Variants in TJP1 observed in about 807,000 individuals in gnomAD.
TJP1 encodes the protein tight junction protein 1, also known as tight junction protein ZO-1.
In TJP1, 43 loss-of-function variants were observed where a neutral mutation model predicts 194.2. The ratio of observed to expected loss-of-function variants is 0.22; its 90% CI spans 0.17 to 0.29. TJP1 has a LOEUF of 0.29. TJP1 is among the 10% of genes least tolerant of loss of function. The pLI, the probability that TJP1 is intolerant of heterozygous loss-of-function variation, is 1.00. For missense variants in TJP1, 1,971 were observed against 2,185.7 expected, an observed-to-expected ratio of 0.90 and a Z score of 1.96; for synonymous variants, 801 against 779.0, an observed-to-expected ratio of 1.03 and a Z score of -0.47.
intron 2 of TJP1, among the ~76,000 whole-genome samples, chr15:29,909,350 A>AAC (rs929108402): frequency 6.6e-6 from 1 of 151,052 alleles, no homozygotes; most frequent in African/African-American, 2.4e-5. Flanking sequence ...AAAAAAAAAA[A>AAC]AAAAAAAGAG....
chr15:29,743,297 T>C (rs1263587970), intron 8 of TJP1, among the ~76,000 whole-genome samples: 1 of 152,174 alleles, frequency 6.6e-6, no homozygotes, highest in African/African-American at 2.4e-5. Flanking sequence ...GAAACATATA[T>C]AATACTGGGC....
intron 2 of TJP1, among the ~76,000 whole-genome samples, chr15:29,906,195 G>T (rs56271015): frequency 6.6e-6 from 1 of 152,026 alleles, no homozygotes; most frequent in African/African-American, 2.4e-5. Flanking sequence ...AAGTTAGGCC[G>T]GGCGCGGTGG....
In TJP1 at chr15:29,762,321, G is replaced by A; in HGVS notation, c.693+14C>T. 6.3e-7 allele frequency: 1 copy of A among 1,593,508 alleles called. No homozygotes were observed. Among genetic ancestry groups the A allele is most frequent in the East Asian group, 2.2e-5 (1 of 44,678 alleles). ...TCTATTTCAGTTCATTAAAAAGTAA[G>A]AATATGATTATACCTTCAATACAAC... On this transcript the variant is annotated intron_variant, in intron 6 of 27. Transcript: ENST00000614355.
chr15:29,737,644 A>G (rs1036571118), intron 10 of TJP1, among the ~76,000 whole-genome samples: 1 of 152,184 alleles, frequency 6.6e-6, no homozygotes, highest in African/African-American at 2.4e-5. Context: ...TGCAAGTACT[A>G]TTTTACATAA....
At chr15:29,703,476 A>T (rs2041687730) in intron 27 of TJP1, among the ~76,000 whole-genome samples, 1 of 152,110 alleles carries the variant, frequency 6.6e-6, no homozygotes, top group Non-Finnish European at 1.5e-5. Context: ...AAAATAAATT[A>T]AACAATAGTA....
chr15:29,789,118 T>C (rs1278641105), intron 2 of TJP1, among the ~76,000 whole-genome samples: 1 of 151,936 alleles, frequency 6.6e-6, no homozygotes, highest in Non-Finnish European at 1.5e-5. Context: ...TCACCTGTTT[T>C]TCTTTTTTTT....
chr15:29,761,876 A>G, intron 6 of TJP1, 107 bp from the exon 7 acceptor site: 1 of 1,046,032 alleles, frequency 9.6e-7, no homozygotes, highest in Non-Finnish European at 1.3e-6. Context: ...TATGAAAACC[A>G]AAATATTCTC....
rs1246363063 is a variant in TJP1 at position 29,737,381 on chromosome 15, T to TC, written c.1289dup (p.Asp431ArgfsTer2). ...CAGCCAGCCGCAAACCCACACTATC[T>TC]CCTTTTCTGAATTTTACCAATTTCA... On this transcript the variant is annotated frameshift_variant, in exon 11 of 28. Transcript: ENST00000614355. LOFTEE classifies it high-confidence loss of function. 1 of 1,614,142 alleles carries TC rather than the reference T, an allele frequency of 6.2e-7. No individual in the cohort carries two copies. The highest frequency in any genetic ancestry group is 8.5e-7 in the Non-Finnish European group (1 of 1,180,020).
chr15:29,821,882 C>T, intron 1 of TJP1, 120 bp downstream of exon 1: 2 of 979,656 alleles, frequency 2.0e-6, no homozygotes, highest in Non-Finnish European at 2.4e-6. Flanking sequence ...GCCCTGCCCA[C>T]CCCGCCGCCC....
At chr15:29,710,416 T>C (rs1347430255) in intron 24 of TJP1, among the ~76,000 whole-genome samples, 4 of 152,170 alleles carry the variant, frequency 2.6e-5, no homozygotes, top group Admixed American at 2.6e-4. Flanking sequence ...GTTACAAAGC[T>C]CTTAAGATGA....
At chr15:29,839,864 C>A (rs543333357) in intron 2 of TJP1, among the ~76,000 whole-genome samples, 2 of 152,266 alleles carry the variant, frequency 1.3e-5, no homozygotes, top group East Asian at 1.9e-4. Flanking sequence ...TTCCTACCAC[C>A]AATGTAGGAG....
chr15:29,725,254 G>A (rs2043171140), intron 18 of TJP1, among the ~76,000 whole-genome samples: 1 of 152,156 alleles, frequency 6.6e-6, no homozygotes, highest in Non-Finnish European at 1.5e-5. Context: ...CCCCAGACTG[G>A]TTCATAATGA....
At chr15:29,893,001 T>A (rs991884045) in intron 2 of TJP1, among the ~76,000 whole-genome samples, 1 of 152,206 alleles carries the variant, frequency 6.6e-6, no homozygotes, top group Non-Finnish European at 1.5e-5. Flanking sequence ...CAAAGTAAAT[T>A]AAAAATCTTC....
At chr15:29,914,851 A>AACAC (rs1240475154) in intron 2 of TJP1, among the ~76,000 whole-genome samples, 1 of 143,608 alleles carries the variant, frequency 7.0e-6, no homozygotes, top group African/African-American at 2.7e-5. Context: ...CACACCCTGC[A>AACAC]ACACACACAC....
At chr15:29,752,345 T>C (rs1228084379) in intron 8 of TJP1, among the ~76,000 whole-genome samples, 1 of 152,124 alleles carries the variant, frequency 6.6e-6, no homozygotes, top group Admixed American at 6.5e-5. Context: ...TCAAGTGATC[T>C]TGCCCACCTT....
At chr15:29,910,236 G>T (rs780633475) in intron 2 of TJP1, among the ~76,000 whole-genome samples, 33 of 152,246 alleles carry the variant, frequency 2.2e-4, no homozygotes, top group African/African-American at 5.8e-4. Flanking sequence ...AACCTGAGAA[G>T]AAATAAATAC....
chr15:29,718,748 A>G lies in TJP1; in HGVS notation c.3394T>C (p.Phe1132Leu). The G allele has an allele frequency of 6.2e-7, 1 of 1,614,090 alleles. No individual in the cohort carries two copies. Among genetic ancestry groups the G allele is most frequent in the East Asian group, 2.2e-5 (1 of 44,870 alleles). Residue 1132 changes from phenylalanine (F) to leucine (L), a missense_variant, in exon 21 of 28, where the codon TTT becomes CTT. This residue lies in a region of TJP1 where 1,108 missense variants were observed against 1,128.5 expected (regional missense o/e 0.98). Coordinates refer to ENST00000614355, the MANE Select transcript of TJP1 (RefSeq NM_001330239.4). ...TAAGACAGAGGGGCTGGCTCTTCAAAACGTGGAAAGTACCCTCGTTCTGAG... is the reference window on the plus strand; with the variant it reads ...TAAGACAGAGGGGCTGGCTCTTCAAGACGTGGAAAGTACCCTCGTTCTGAG... ...ESSERGYFPR[F>L]EEPAPLSYDS...
At chr15:29,820,634 A>G (rs776822123) in intron 1 of TJP1, 45 of 713,308 alleles carry the variant, frequency 6.3e-5, no homozygotes, top group Non-Finnish European at 1.1e-4. Flanking sequence ...CTTCAGGAAC[A>G]AAGTGACATT....
At chr15:29,813,375 A>T (rs890895043) in intron 1 of TJP1, among the ~76,000 whole-genome samples, 3 of 152,170 alleles carry the variant, frequency 2.0e-5, no homozygotes, top group Non-Finnish European at 4.4e-5. Context: ...AGACAGACAT[A>T]TACAATATTT....
Sources: gnomAD v4.1 joint callset for allele counts (sites outside exome capture counted in the v4.1 genomes callset) on GRCh38, gnomAD v4.1.1 for gene constraint, gnomAD v4.1.1 regional missense constraint, MANE v1.5 for transcripts, NCBI Gene and HGNC (gene_info 2026-07-23, HGNC 2026-07-21) for gene names.